Variants in CCDC33 observed in about 807,000 individuals in gnomAD.
CCDC33 encodes coiled-coil domain containing 33.
CCDC33 carries 94 observed loss-of-function variants against 91.9 expected under a neutral mutation model. The observed-to-expected ratio is 1.02, with a 90% CI of 0.87 to 1.21. The LOEUF (loss-of-function observed/expected upper bound fraction) is 1.21. Ranked by LOEUF, CCDC33 falls within the 50% of genes most tolerant of loss-of-function variation. The pLI is 0.00. For missense variants in CCDC33, 940 were observed against 935.5 expected (o/e 1.00, Z -0.06); for synonymous variants, 396 against 374.5 (o/e 1.06, Z -0.66).
chr15:74,281,911 C>T (rs2059374455), intron 10 of CCDC33, 62 bp downstream of exon 10: 1 of 1,433,770 alleles, frequency 7.0e-7, no homozygotes. Flanking sequence ...GATCCAACTT[C>T]CTTCACAATT....
upstream of CCDC33, among the ~76,000 whole-genome samples, chr15:74,234,838 CTG>C (rs2075096509): frequency 3.3e-5 from 5 of 152,244 alleles, no homozygotes; most frequent in South Asian, 8.3e-4. Context: ...ATGTGAGGCT[CTG>C]TGTCGGGAGC....
intron 10 of CCDC33, among the ~76,000 whole-genome samples, chr15:74,293,429 A>T (rs930370331): frequency 6.6e-6 from 1 of 152,140 alleles, no homozygotes; most frequent in African/African-American, 2.4e-5. Flanking sequence ...CCACCCACTC[A>T]TTCATCCATC....
chr15:74,229,024 C>G (rs186226409), intron 2 of CCDC33, among the ~76,000 whole-genome samples: 1 of 152,132 alleles, frequency 6.6e-6, no homozygotes, highest in Non-Finnish European at 1.5e-5. Flanking sequence ...TGGCGCATCC[C>G]GGCTGCAGAG....
At chr15:74,304,752 C>G (rs186071396) in intron 11 of CCDC33, among the ~76,000 whole-genome samples, 4 of 152,080 alleles carry the variant, frequency 2.6e-5, no homozygotes, top group African/African-American at 7.2e-5. Context: ...TGAGCCAGTC[C>G]GGTGGGCCTG....
chr15:74,314,169 G>A (rs1030922159), intron 11 of CCDC33, among the ~76,000 whole-genome samples: 2 of 152,206 alleles, frequency 1.3e-5, no homozygotes, highest in East Asian at 3.8e-4. Flanking sequence ...GGTGAGGAGG[G>A]GGCTGGCTGG....
At chr15:74,258,239 T>C (rs1486389208) in intron 2 of CCDC33, among the ~76,000 whole-genome samples, 1 of 152,202 alleles carries the variant, frequency 6.6e-6, no homozygotes, top group Non-Finnish European at 1.5e-5. Flanking sequence ...CAGGGGCTTC[T>C]GGGAACATCA....
At chr15:74,334,667 AG>A (rs1427375394) in intron 17 of CCDC33, among the ~76,000 whole-genome samples, 2 of 152,206 alleles carry the variant, frequency 1.3e-5, no homozygotes, top group East Asian at 3.8e-4. Flanking sequence ...GTGTATATCC[AG>A]GGTCAGGGTT....
At chr15:74,217,467 A>G in exon 1 of CCDC33, 1 of 1,289,712 alleles carries the variant, frequency 7.8e-7, no homozygotes, top group South Asian at 1.2e-5. Flanking sequence ...GTTGCAAGTG[A>G]ATGATGGGGA....
At chr15:74,225,600 C>T (rs937692279) in intron 2 of CCDC33, among the ~76,000 whole-genome samples, 1 of 152,042 alleles carries the variant, frequency 6.6e-6, no homozygotes, top group Non-Finnish European at 1.5e-5. Flanking sequence ...AAGCGCACAT[C>T]CTCCCACACA....
At chr15:74,271,942 G>T in intron 6 of CCDC33, 148 bp downstream of exon 6, 1 of 641,530 alleles carries the variant, frequency 1.6e-6, no homozygotes, top group East Asian at 2.8e-5. Flanking sequence ...CATTGGGTCT[G>T]AGGTCCCAGT....
chr15:74,227,257 G>A lies in CCDC33; in HGVS notation c.675+8396G>A, dbSNP rs558931608. On this transcript the variant is annotated intron_variant, in intron 2 of 2. Transcript: ENST00000635913. The stretch of plus-strand genomic sequence containing the variant: ...GATCACCATATATTTTGGTCTTTCT[G>A]AGCCAGTAGTCAGCACACAGGTGGG... Among the ~76,000 whole-genome samples, 13 of 152,354 alleles carry A rather than the reference G, an allele frequency of 8.5e-5. No homozygotes were observed. In the East Asian group the frequency reaches 2.5e-3, roughly 29 times the overall value.
chr15:74,260,512 A>C (rs1252617270), intron 2 of CCDC33, among the ~76,000 whole-genome samples: 1 of 152,224 alleles, frequency 6.6e-6, no homozygotes, highest in Non-Finnish European at 1.5e-5. Context: ...AAATGAGGGA[A>C]TAACATGAAC....
Position 74,295,768 on chromosome 15 carries a change from C to T in CCDC33, c.1110C>T (p.Phe370=). ...TCTCTTCTCAGAGACCAGAAAACTT[C>T]TTGACACCAAACAACAGCAAGGCTC... ...QLLSSERPEN[F]LTPNNSKALP... Residue 370 remains phenylalanine (F), a synonymous_variant, in exon 11 of 19, where the codon TTC becomes TTT. Coordinates refer to ENST00000398814, the MANE Select transcript of CCDC33 (RefSeq NM_025055.5). 1 of 1,612,594 alleles carries T rather than the reference C, an allele frequency of 6.2e-7. No individual in the cohort carries two copies. The highest frequency in any genetic ancestry group is 8.5e-7 in the Non-Finnish European group (1 of 1,179,536).
chr15:74,247,018 A>T (rs908024410), intron 2 of CCDC33, among the ~76,000 whole-genome samples: 1 of 151,958 alleles, frequency 6.6e-6, no homozygotes, highest in Non-Finnish European at 1.5e-5. Flanking sequence ...GGTAGCAGGC[A>T]CCTGTAATCC....
intron 11 of CCDC33, among the ~76,000 whole-genome samples, chr15:74,296,681 G>C (rs1206968439): frequency 1.3e-5 from 2 of 152,198 alleles, no homozygotes; most frequent in Non-Finnish European, 2.9e-5. Flanking sequence ...GACATAGTCT[G>C]TGTCCTTGAT....
intron 11 of CCDC33, chr15:74,311,719 C>G (rs2059997272): frequency 6.6e-6 from 1 of 152,036 alleles, no homozygotes; most frequent in Non-Finnish European, 1.5e-5. Context: ...TTCTAAGAGT[C>G]GGTATCATAG....
At chr15:74,274,331 A>G (rs1413623001) in intron 7 of CCDC33, among the ~76,000 whole-genome samples, 1 of 151,692 alleles carries the variant, frequency 6.6e-6, no homozygotes, top group Non-Finnish European at 1.5e-5. Flanking sequence ...TCTTCTCATG[A>G]TCTGCGCTTC....
At chr15:74,327,811 C>A (rs1029604960) in intron 11 of CCDC33, among the ~76,000 whole-genome samples, 1 of 152,200 alleles carries the variant, frequency 6.6e-6, no homozygotes, top group Non-Finnish European at 1.5e-5. Flanking sequence ...AGCATGCTCA[C>A]AACCCGGTTA....
At chr15:74,204,237 C>G (rs972040038) in intron 1 of CCDC33, among the ~76,000 whole-genome samples, 1 of 152,236 alleles carries the variant, frequency 6.6e-6, no homozygotes, top group East Asian at 1.9e-4. Context: ...CTTCCAGGCG[C>G]GAGTGTGAGC....
Sources: gnomAD v4.1 joint callset for allele counts (sites outside exome capture counted in the v4.1 genomes callset) on GRCh38, gnomAD v4.1.1 for gene constraint, MANE v1.5 for transcripts, NCBI Gene and HGNC (gene_info 2026-07-23, HGNC 2026-07-21) for gene names.